NPAT: variants seen among roughly 807,000 people sequenced by gnomAD.
NPAT encodes the protein nuclear protein, coactivator of histone transcription, also known as protein NPAT.
NPAT carries 52 observed loss-of-function variants against 130.7 expected under a neutral mutation model. The observed-to-expected ratio is 0.40, with a 90% confidence interval of 0.32 to 0.50. NPAT has a LOEUF of 0.50. NPAT is among the 20% of genes least tolerant of loss of function. NPAT has a pLI of 0.68. For missense variants in NPAT, 1,687 were observed against 1,662.6 expected (o/e 1.01, Z -0.26); for synonymous variants, 580 against 584.8 (o/e 0.99, Z 0.12).
intron 15 of NPAT, among the ~76,000 whole-genome samples, chr11:108,165,791 G>A (rs922962861): frequency 2.0e-5 from 3 of 151,856 alleles, no homozygotes; most frequent in South Asian, 2.1e-4. Context: ...CCACCACCAC[G>A]CCTGGCTAAT....
Position 108,158,594 on chromosome 11 carries a change from T to A in NPAT, c.*348A>T, listed in dbSNP as rs942472227. 7.9e-4 allele frequency: 146 copies of A among 184,262 alleles called. 3 individuals are homozygous for A. Among genetic ancestry groups the A allele is most frequent in the Non-Finnish European group, 2.3e-4 (20 of 87,804 alleles). The allele number at this position is 184,262 out of a possible 1,614,324, so 11.4% of individuals were successfully genotyped here. ...GATGAGTAAGTCTCAGAATTAGGGA[T>A]CATAAGAAGTCAAAAAACACAGTGT... On this transcript the variant is annotated 3_prime_UTR_variant, in exon 18 of 18. Transcript: ENST00000278612.
chr11:108,199,669 T>C (rs1236117667), intron 1 of NPAT, among the ~76,000 whole-genome samples: 3 of 152,216 alleles, frequency 2.0e-5, no homozygotes, highest in African/African-American at 2.4e-5. Context: ...GTCAAGCCTC[T>C]GCCATCACCC....
intron 10 of NPAT, among the ~76,000 whole-genome samples, chr11:108,177,986 G>T (rs1374248442): frequency 2.0e-5 from 3 of 152,154 alleles, no homozygotes; most frequent in Non-Finnish European, 2.9e-5. Context: ...CTCCTAAACT[G>T]CTGGGACTAC....
At chr11:108,188,244 G>C in intron 6 of NPAT, 65 bp from the exon 7 acceptor site, 1 of 1,165,878 alleles carries the variant, frequency 8.6e-7, no homozygotes, top group Non-Finnish European at 1.3e-6. Context: ...CTTGTAATGG[G>C]ATAAAAAGCA....
rs1299076052 is a variant in NPAT, at chr11:108,161,414, AC to A, written c.3671del (p.Gly1224ValfsTer4). On this transcript the variant is annotated frameshift_variant, in exon 17 of 18. Coordinates refer to ENST00000278612, the MANE Select transcript of NPAT (RefSeq NM_002519.3). LOFTEE classifies it high-confidence loss of function. ...CTTGTTTTAGATCCTTCACAGCTGT[AC>A]CTACTGAAAGTACATTTTTATTGTT... ...SSNNKNVLSVGTAVKDLKQEQ... is the reference protein window; with the variant it reads ...SSNNKNVLSVXTAVKDLKQEQ... The A allele has an allele frequency of 6.2e-7, 1 of 1,614,076 alleles. No homozygotes were observed. Among genetic ancestry groups the A allele is most frequent in the African/African-American group, 1.3e-5 (1 of 74,936 alleles).
chr11:108,220,474 A>T (rs559848113), intron 1 of NPAT, among the ~76,000 whole-genome samples: 1 of 152,256 alleles, frequency 6.6e-6, no homozygotes, highest in South Asian at 2.1e-4. Flanking sequence ...CACTAAGGGG[A>T]GAAAACTTAA....
rs2077979278 is a variant in NPAT, at chr11:108,173,805, A to G, written c.1179T>C (p.Asp393=). The change falls in exon 13 of 18, where the codon GAT becomes GAC. Residue 393 remains aspartate (D), a synonymous_variant. Transcript: ENST00000278612. ...QPAFCTSYQN[D]DPLNALKNSN... ...TATTCTTCAAAGCATTTAATGGGTC[A>G]TCATTCTGATAGGATGTACAAAAAG... 6.2e-7 allele frequency: 1 copy of G among 1,614,068 alleles called. No homozygotes were observed. The highest frequency in any genetic ancestry group is 1.3e-5 in the African/African-American group (1 of 74,936).
intron 8 of NPAT, 94 bp from the exon 9 acceptor site, chr11:108,185,588 A>C: frequency 1.2e-6 from 1 of 850,836 alleles, no homozygotes; most frequent in Non-Finnish European, 1.9e-6. Context: ...AGAGCTGGAT[A>C]GTTTTAATAA....
intron 7 of NPAT, 25 bp from the exon 8 acceptor site, chr11:108,186,594 C>T: frequency 6.5e-7 from 1 of 1,545,836 alleles, no homozygotes; most frequent in Non-Finnish European, 8.9e-7. Context: ...AAAAGCTTTT[C>T]TTTTAACCAC....
In NPAT at chr11:108,168,557, T is replaced by C. The variant is rs118053262; in HGVS notation, c.3010+1187A>G. ...CTCTGTATAATGAGTGCATTTAAGA[T>C]ACTCAGACTACTGAGAAGAAATACA... On this transcript the variant is annotated intron_variant, in intron 15 of 17. Transcript: ENST00000278612. Among the ~76,000 whole-genome samples, 1,216 of 152,276 alleles carry C rather than the reference T, an allele frequency of 8.0e-3. 17 individuals carry two copies. The highest frequency in any genetic ancestry group is 9.5e-3 in the Non-Finnish European group (648 of 68,030).
At position 108,161,500 on chromosome 11, in the gene NPAT, G is replaced by A. The variant is rs747180482; in HGVS notation, c.3586C>T (p.Arg1196Ter). 4 of 1,614,074 alleles carry A rather than the reference G, an allele frequency of 2.5e-6. No homozygotes were observed. Among genetic ancestry groups the A allele is most frequent in the Non-Finnish European group, 3.4e-6 (4 of 1,180,008 alleles). ...AGTGAAGCTATAGATTTCTCACTTCGCAAACCCCCATTTTGCTGCCCAATA... is the reference window on the plus strand; with the variant it reads ...AGTGAAGCTATAGATTTCTCACTTCACAAACCCCCATTTTGCTGCCCAATA... ...LSIGQQNGGL[R>*]SEKSIASLQE... Residue 1196 changes from arginine (R) to a stop codon, truncating the protein, a stop_gained, in exon 17 of 18, where the codon CGA becomes TGA. Coordinates refer to ENST00000278612, the MANE Select transcript of NPAT (RefSeq NM_002519.3). LOFTEE classifies it high-confidence loss of function.
At chr11:108,175,900 T>A (rs537090351) in intron 12 of NPAT, among the ~76,000 whole-genome samples, 1 of 152,344 alleles carries the variant, frequency 6.6e-6, no homozygotes, top group South Asian at 2.1e-4. Flanking sequence ...CTCACACCTG[T>A]AATGCTACCT....
chr11:108,190,631 C>T lies in NPAT; in HGVS notation c.291-131G>A, dbSNP rs913552445. 6.6e-6 allele frequency: 5 copies of T among 761,990 alleles called. No homozygotes were observed. In the Admixed American group the frequency reaches 8.3e-5, roughly 13 times the overall value. The allele number at this position is 761,990 out of a possible 1,614,324, so 47.2% of individuals were successfully genotyped here. On this transcript the variant is annotated intron_variant, in intron 4 of 17. Transcript: ENST00000278612. ...AAAAATCTCTCTCAGACAAAAAAGA[C>T]AAACACACACATTTTTTGGGCAAGC...
At chr11:108,207,048 G>A (rs1430028449) in intron 1 of NPAT, among the ~76,000 whole-genome samples, 2 of 151,984 alleles carry the variant, frequency 1.3e-5, no homozygotes, top group African/African-American at 4.8e-5. Flanking sequence ...TCATCCTGAC[G>A]AGTGTCCAAC....
intron 10 of NPAT, among the ~76,000 whole-genome samples, chr11:108,179,904 A>G (rs1051498589): frequency 6.6e-6 from 1 of 152,242 alleles, no homozygotes; most frequent in African/African-American, 2.4e-5. Context: ...AAAAGCAAAA[A>G]TAGACAAATA....
intron 1 of NPAT, among the ~76,000 whole-genome samples, chr11:108,199,861 C>A (rs2078257883): frequency 6.6e-6 from 1 of 152,208 alleles, no homozygotes; most frequent in Admixed American, 6.5e-5. Context: ...GGGTGTCAGT[C>A]AAGACCTCCA....
chr11:108,198,535 C>G (rs929679389), intron 1 of NPAT, among the ~76,000 whole-genome samples: 1 of 152,102 alleles, frequency 6.6e-6, no homozygotes, highest in African/African-American at 2.4e-5. Context: ...CGGTGAAACC[C>G]GACAACTTTC....
intron 1 of NPAT, among the ~76,000 whole-genome samples, chr11:108,215,709 A>G (rs2078430220): frequency 6.6e-6 from 1 of 152,228 alleles, no homozygotes; most frequent in Non-Finnish European, 1.5e-5. Context: ...CGTTACAGGC[A>G]ATGCCCTAGC....
At chr11:108,221,750 T>G (rs1316604283) in intron 1 of NPAT, among the ~76,000 whole-genome samples, 1 of 152,180 alleles carries the variant, frequency 6.6e-6, no homozygotes, top group East Asian at 1.9e-4. Flanking sequence ...CAATCCTCTT[T>G]ATTCTTTCAG....
Sources: gnomAD v4.1 joint callset for allele counts (sites outside exome capture counted in the v4.1 genomes callset) on GRCh38, gnomAD v4.1.1 for gene constraint, MANE v1.5 for transcripts, NCBI Gene and HGNC (gene_info 2026-07-23, HGNC 2026-07-21) for gene names.